EDIL3: variants seen among roughly 807,000 people sequenced by gnomAD.
EDIL3 encodes EGF like and discoidin domains 3.
In EDIL3, 37 loss-of-function variants were observed where a neutral mutation model predicts 67.4. That is an observed-to-expected ratio of 0.55 (90% CI 0.42 to 0.72). The LOEUF is 0.72. Among genes scored for constraint, EDIL3 ranks in the 30% least tolerant of loss-of-function variants. The pLI, the probability that EDIL3 is intolerant of heterozygous loss-of-function variation, is 0.00. For missense variants in EDIL3, 527 were observed against 586.3 expected (o/e 0.90, Z 1.04); for synonymous variants, 195 against 196.3 (o/e 0.99, Z 0.05).
At chr5:84,331,678 A>T (rs1301287908) in intron 1 of EDIL3, among the ~76,000 whole-genome samples, 2 of 152,154 alleles carry the variant, frequency 1.3e-5, no homozygotes, top group African/African-American at 2.4e-5. Flanking sequence ...GCAGCGTGAG[A>T]TGAACTAATA....
At chr5:84,115,318 T>C (rs1747645397) in intron 5 of EDIL3, among the ~76,000 whole-genome samples, 1 of 152,222 alleles carries the variant, frequency 6.6e-6, no homozygotes, top group African/African-American at 2.4e-5. Flanking sequence ...CTATGTTTTC[T>C]TCACACTGTG....
At chr5:84,088,223 G>A (rs1159752590) in intron 6 of EDIL3, among the ~76,000 whole-genome samples, 1 of 152,176 alleles carries the variant, frequency 6.6e-6, no homozygotes, top group Non-Finnish European at 1.5e-5. Flanking sequence ...TTCATCTACT[G>A]TAGATTTGAG....
At chr5:84,130,549 T>G (rs1747946434) in intron 5 of EDIL3, among the ~76,000 whole-genome samples, 1 of 152,134 alleles carries the variant, frequency 6.6e-6, no homozygotes, top group African/African-American at 2.4e-5. Flanking sequence ...GACACCTTTT[T>G]TAAAAAAATT....
intron 2 of EDIL3, among the ~76,000 whole-genome samples, chr5:84,236,870 G>A (rs149196115): frequency 1.1e-4 from 17 of 151,386 alleles, no homozygotes; most frequent in Middle Eastern, 3.4e-3. Flanking sequence ...AACTTGTAAG[G>A]GATAAAGCAG....
chr5:83,992,695 AT>A (rs752728165), intron 9 of EDIL3, among the ~76,000 whole-genome samples: 5 of 152,124 alleles, frequency 3.3e-5, no homozygotes, highest in Non-Finnish European at 7.4e-5. Context: ...ATATTTCAAT[AT>A]TTCACTATTT....
chr5:84,035,805 T>G (rs557993154), intron 9 of EDIL3, among the ~76,000 whole-genome samples: 1 of 152,336 alleles, frequency 6.6e-6, no homozygotes, highest in African/African-American at 2.4e-5. Context: ...TTTCTCAGTA[T>G]ATCTTTCTGA....
At chr5:84,171,769 T>C (rs981339989) in intron 4 of EDIL3, among the ~76,000 whole-genome samples, 2 of 152,192 alleles carry the variant, frequency 1.3e-5, no homozygotes, top group African/African-American at 2.4e-5. Flanking sequence ...TCAGTCTTAG[T>C]TGTACATTAG....
chr5:84,300,881 A>C (rs945077263), intron 1 of EDIL3, among the ~76,000 whole-genome samples: 4 of 152,118 alleles, frequency 2.6e-5, no homozygotes, highest in African/African-American at 9.7e-5. Context: ...AACTAGACCT[A>C]GAATTTAGGT....
intron 1 of EDIL3, among the ~76,000 whole-genome samples, chr5:84,357,536 C>T (rs1302309028): frequency 6.6e-6 from 1 of 152,040 alleles, no homozygotes; most frequent in Non-Finnish European, 1.5e-5. Context: ...TAACCCTGCA[C>T]CCCCTTTCCA....
chr5:84,345,449 A>G (rs1456986225), intron 1 of EDIL3, among the ~76,000 whole-genome samples: 2 of 152,072 alleles, frequency 1.3e-5, no homozygotes, highest in African/African-American at 4.8e-5. Context: ...CTTAGGTTGA[A>G]TTTAAGAATT....
intron 6 of EDIL3, among the ~76,000 whole-genome samples, chr5:84,084,036 C>T (rs1275399725): frequency 6.6e-6 from 1 of 152,046 alleles, no homozygotes; most frequent in Non-Finnish European, 1.5e-5. Context: ...GCAGAATACA[C>T]AGAGAAAAAC....
At chr5:84,114,375 C>A (rs1028840416) in intron 5 of EDIL3, among the ~76,000 whole-genome samples, 3 of 151,932 alleles carry the variant, frequency 2.0e-5, no homozygotes, top group African/African-American at 7.3e-5. Context: ...AAAAAGTTTC[C>A]CGGATACAGA....
intron 6 of EDIL3, among the ~76,000 whole-genome samples, chr5:84,077,387 C>T (rs1213942858): frequency 6.6e-6 from 1 of 152,082 alleles, no homozygotes; most frequent in Non-Finnish European, 1.5e-5. Context: ...GTGTATGAGT[C>T]CATTTTCATA....
rs556753065 is a variant in EDIL3, at chr5:84,286,962, G to GT, written c.68-32751dup. The stretch of plus-strand genomic sequence containing the variant: ...CAATGCTAGTGCAGAAGTCTAGTAG[G>GT]TAAAAACCTCTTTCATGGTTTAGAT... On this transcript the variant is annotated intron_variant, in intron 1 of 10. Transcript: ENST00000296591. 2.5e-3 allele frequency among the ~76,000 whole-genome samples: 375 copies of GT among 152,228 alleles called. 2 individuals are homozygous for GT. The highest frequency in any genetic ancestry group is 8.4e-3 in the African/African-American group (349 of 41,542).
At chr5:84,020,863 A>G (rs1272345338) in intron 9 of EDIL3, among the ~76,000 whole-genome samples, 2 of 152,208 alleles carry the variant, frequency 1.3e-5, no homozygotes, top group Non-Finnish European at 2.9e-5. Context: ...ACATACACAT[A>G]CATATACCAA....
intron 3 of EDIL3, among the ~76,000 whole-genome samples, chr5:84,193,827 CCT>C (rs1561458683): frequency 6.6e-6 from 1 of 151,854 alleles, no homozygotes; most frequent in African/African-American, 2.4e-5. Flanking sequence ...TTATGTAACA[CCT>C]CTCTGTTTTC....
At chr5:83,983,041 T>G (rs1580264461) in intron 9 of EDIL3, among the ~76,000 whole-genome samples, 1 of 152,098 alleles carries the variant, frequency 6.6e-6, no homozygotes, top group African/African-American at 2.4e-5. Context: ...CCAGTGGAGG[T>G]ACTTTTTTGT....
At chr5:84,039,576 C>T (rs1023224484) in intron 9 of EDIL3, among the ~76,000 whole-genome samples, 4 of 151,884 alleles carry the variant, frequency 2.6e-5, no homozygotes, top group Admixed American at 1.3e-4. Flanking sequence ...ATCTATTGAC[C>T]GAAAATCATC....
Position 84,106,727 on chromosome 5 carries a change from G to A in EDIL3, c.573C>T (p.Pro191=). 1.9e-6 allele frequency: 3 copies of A among 1,613,428 alleles called. No individual in the cohort carries two copies. The highest frequency in any genetic ancestry group is 2.5e-6 in the Non-Finnish European group (3 of 1,179,598). Residue 191 remains proline, a synonymous_variant, in exon 6 of 11, where the codon CCC becomes CCT. Transcript: ENST00000296591. ...RALFGLQKWY[P]YYARLNKKGL... Reference sequence around the variant, plus strand: ...CCTTCTTATTAAGACGTGCATAGTAGGGATACCATTTTTGGAGTCCAAAAA... The same window carrying A: ...CCTTCTTATTAAGACGTGCATAGTAAGGATACCATTTTTGGAGTCCAAAAA...
Sources: gnomAD v4.1 joint callset for allele counts (sites outside exome capture counted in the v4.1 genomes callset) on GRCh38, gnomAD v4.1.1 for gene constraint, MANE v1.5 for transcripts, NCBI Gene and HGNC (gene_info 2026-07-23, HGNC 2026-07-21) for gene names.